The following CEP83 variants were observed in gnomAD, a reference collection of about 807,000 sequenced individuals.
CEP83 encodes centrosomal protein 83.
A neutral mutation model predicts 101.9 loss-of-function variants in CEP83; 70 were observed. The observed-to-expected ratio is 0.69, with a 90% confidence interval of 0.57 to 0.84. CEP83 has a LOEUF of 0.84. Among genes scored for constraint, CEP83 ranks in the 40% least tolerant of loss-of-function variants. The pLI is 0.00. For missense variants in CEP83, 715 were observed against 787.2 expected (o/e 0.91, Z 1.10); for synonymous variants, 264 against 267.9 (o/e 0.99, Z 0.14).
chr12:94,308,764 A>T lies in CEP83; in HGVS notation c.*49T>A. The T allele has an allele frequency of 8.0e-7, 1 of 1,250,032 alleles. No homozygotes were observed. Among genetic ancestry groups the T allele is most frequent in the Non-Finnish European group, 1.2e-6 (1 of 853,060 alleles). 77.4% of individuals were successfully genotyped at this position (1,250,032 alleles called of 1,614,324 possible). A position where few individuals can be genotyped will look rare whatever the true frequency, so the allele number is the denominator to read the frequency against. ...GCCACAGGTTAAAATGTCAAGTTTTACTGAGTCACCAACTTCACCTCTTTT... is the reference window on the plus strand; with the variant it reads ...GCCACAGGTTAAAATGTCAAGTTTTTCTGAGTCACCAACTTCACCTCTTTT... On this transcript the variant is annotated 3_prime_UTR_variant, in exon 17 of 17. Transcript: ENST00000397809.
At chr12:94,349,299 A>G (rs906385459) in intron 11 of CEP83, among the ~76,000 whole-genome samples, 14 of 151,786 alleles carry the variant, frequency 9.2e-5, no homozygotes, top group Admixed American at 1.3e-4. Flanking sequence ...AAAAAAAAAA[A>G]AAAGAAAAAA....
In CEP83 at chr12:94,331,233, G is replaced by T. The variant is rs1200485821; in HGVS notation, c.1707+467C>A. 3.1e-5 allele frequency among the ~76,000 whole-genome samples: 4 copies of T among 129,430 alleles called. No homozygotes were observed. In the East Asian group the frequency reaches 1.0e-3, roughly 34 times the overall value. 84.9% of individuals were successfully genotyped at this position (129,430 alleles called of 152,430 possible). ...TTGAACCCAGGGGATGGAGGTTGCA[G>T]TGAGCCAAGATTGCACCACTGCAAT... On this transcript the variant is annotated intron_variant, in intron 14 of 16. Coordinates refer to ENST00000397809, the MANE Select transcript of CEP83 (RefSeq NM_016122.3).
intron 1 of CEP83, among the ~76,000 whole-genome samples, chr12:94,449,316 A>C (rs552329117): frequency 1.4e-3 from 217 of 152,342 alleles, no homozygotes; most frequent in Non-Finnish European, 2.4e-3. Context: ...CCAGGCCCCC[A>C]CAACTGCACT....
At chr12:94,357,354 A>C (rs1054762617) in intron 11 of CEP83, among the ~76,000 whole-genome samples, 2 of 152,244 alleles carry the variant, frequency 1.3e-5, no homozygotes, top group African/African-American at 4.8e-5. Flanking sequence ...CATACTAAAA[A>C]AGAATGTAGA....
At chr12:94,387,190 G>A (rs1428071109) in intron 6 of CEP83, among the ~76,000 whole-genome samples, 1 of 151,944 alleles carries the variant, frequency 6.6e-6, no homozygotes, top group Non-Finnish European at 1.5e-5. Flanking sequence ...CTAAAGCAAG[G>A]GTCCCCAAAC....
At chr12:94,321,882 A>G (rs2058761109) in intron 14 of CEP83, among the ~76,000 whole-genome samples, 2 of 151,298 alleles carry the variant, frequency 1.3e-5, no homozygotes, top group South Asian at 4.2e-4. Flanking sequence ...AGAATCAAGG[A>G]CCCAAATAAC....
intron 6 of CEP83, among the ~76,000 whole-genome samples, chr12:94,387,898 CA>C (rs1201566392): frequency 6.6e-6 from 1 of 151,678 alleles, no homozygotes; most frequent in Non-Finnish European, 1.5e-5. Context: ...TCACACCAGT[CA>C]GAATAGCTAT....
chr12:94,372,565 C>T (rs528974829), intron 8 of CEP83, among the ~76,000 whole-genome samples: 1 of 152,278 alleles, frequency 6.6e-6, no homozygotes, highest in African/African-American at 2.4e-5. Context: ...AACAAACATA[C>T]TATAGCTGCA....
At chr12:94,358,816 A>G (rs1050613477) in intron 11 of CEP83, among the ~76,000 whole-genome samples, 1 of 152,256 alleles carries the variant, frequency 6.6e-6, no homozygotes, top group African/African-American at 2.4e-5. Flanking sequence ...GAAGGGAGAC[A>G]TGTTGGGAGC....
intron 14 of CEP83, among the ~76,000 whole-genome samples, chr12:94,328,531 C>T (rs1292166826): frequency 1.3e-5 from 2 of 152,116 alleles, no homozygotes; most frequent in Admixed American, 1.3e-4. Context: ...TTTGTTACAT[C>T]TTACGGCAAA....
At chr12:94,279,932 G>A in the CEP83 span, 1 of 544,426 alleles carries the variant, frequency 1.8e-6, no homozygotes, top group Non-Finnish European at 3.4e-6. Context: ...TGCAGGCCCT[G>A]AGACTGCACG....
At chr12:94,333,121 GT>G (rs2059306507) in intron 13 of CEP83, among the ~76,000 whole-genome samples, 1 of 146,556 alleles carries the variant, frequency 6.8e-6, no homozygotes, top group Non-Finnish European at 1.5e-5. Flanking sequence ...AAGGAATTAA[GT>G]TTTGCACATC....
chr12:94,347,374 T>C (rs1371086944), intron 11 of CEP83, among the ~76,000 whole-genome samples: 1 of 152,030 alleles, frequency 6.6e-6, no homozygotes, highest in Non-Finnish European at 1.5e-5. Context: ...CATATCCAAT[T>C]AGAATTATTA....
At chr12:94,278,864 G>A in the CEP83 span, among the ~76,000 whole-genome samples, 1 of 152,154 alleles carries the variant, frequency 6.6e-6, no homozygotes, top group Non-Finnish European at 1.5e-5. Context: ...CAGGCATGGT[G>A]GCATGTGCCT....
chr12:94,323,442 C>A (rs2058835398), intron 14 of CEP83, among the ~76,000 whole-genome samples: 1 of 152,112 alleles, frequency 6.6e-6, no homozygotes, highest in Admixed American at 6.6e-5. Flanking sequence ...ACTCACTCAC[C>A]ACTTCCCTGG....
At chr12:94,433,445 T>C (rs571378701) in intron 2 of CEP83, among the ~76,000 whole-genome samples, 28 of 150,998 alleles carry the variant, frequency 1.9e-4, no homozygotes, top group Non-Finnish European at 3.5e-4. Flanking sequence ...CTTTAGGAGG[T>C]CAAGGCAGGC....
intron 15 of CEP83, among the ~76,000 whole-genome samples, chr12:94,311,663 A>G (rs1278399481): frequency 1.3e-5 from 2 of 152,212 alleles, no homozygotes; most frequent in Non-Finnish European, 2.9e-5. Context: ...TAGGAAAAAC[A>G]CTGGTTTTTC....
intron 4 of CEP83, among the ~76,000 whole-genome samples, chr12:94,407,428 A>G (rs577969144): frequency 3.4e-4 from 52 of 152,366 alleles, no homozygotes; most frequent in African/African-American, 1.1e-3. Context: ...ACTACCCTGT[A>G]GAGTGATGTA....
chr12:94,291,300 A>G, the CEP83 span, among the ~76,000 whole-genome samples: 12 of 152,332 alleles, frequency 7.9e-5, no homozygotes, highest in African/African-American at 2.6e-4. Context: ...CAGTGGCACA[A>G]TCGTGGCTCA....
Sources: allele counts gnomAD v4.1 joint callset (sites outside exome capture counted in the v4.1 genomes callset), GRCh38; gene constraint gnomAD v4.1.1; transcripts MANE v1.5; gene names NCBI Gene and HGNC (gene_info 2026-07-23, HGNC 2026-07-21).